Variants in PTPRN2 observed in about 807,000 individuals in gnomAD.
PTPRN2 encodes receptor-type tyrosine-protein phosphatase N2.
A neutral mutation model predicts 118.8 loss-of-function variants in PTPRN2; 74 were observed. The ratio of observed to expected loss-of-function variants is 0.62; its 90% CI spans 0.52 to 0.76. The LOEUF is 0.76. Among genes scored for constraint, PTPRN2 ranks in the 30% least tolerant of loss-of-function variants. The pLI is 0.00. For missense variants in PTPRN2, 1,481 were observed against 1,394.4 expected (o/e 1.06, Z -0.99); for synonymous variants, 641 against 608.0 (o/e 1.05, Z -0.80).
chr7:157,735,971 AGGCTTCAAAGAAGGGTCAGAGAC>A, intron 12 of PTPRN2, among the ~76,000 whole-genome samples: 1 of 152,242 alleles, frequency 6.6e-6, no homozygotes, highest in East Asian at 1.9e-4. Context: ...CGTGACAGAC[AGGCTTCAAAGAAGGGTCAGAGAC>A]GGCCGGTGGG....
intron 11 of PTPRN2, among the ~76,000 whole-genome samples, chr7:157,942,765 G>A (rs567206364): frequency 5.9e-5 from 9 of 152,286 alleles, no homozygotes; most frequent in African/African-American, 2.2e-4. Flanking sequence ...AGGAGGGCTT[G>A]GTTATCAGTC....
intron 1 of PTPRN2, among the ~76,000 whole-genome samples, chr7:158,538,246 C>A (rs1285997594): frequency 2.0e-5 from 3 of 152,252 alleles, no homozygotes; most frequent in Non-Finnish European, 2.9e-5. Context: ...TAGCCCACAG[C>A]CAGGTCTGTG....
At chr7:157,680,583 C>T (rs910387609) in intron 13 of PTPRN2, among the ~76,000 whole-genome samples, 2 of 152,370 alleles carry the variant, frequency 1.3e-5, no homozygotes, top group Middle Eastern at 3.4e-3. Context: ...ATCCTCACTA[C>T]TGCGTCCTGC....
chr7:158,151,921 C>T (rs1463780791), intron 6 of PTPRN2, among the ~76,000 whole-genome samples: 5 of 152,226 alleles, frequency 3.3e-5, no homozygotes, highest in African/African-American at 9.6e-5. Context: ...CGCCTGTAAT[C>T]CCAGCACTTT....
At chr7:158,288,854 A>T (rs1799930222) in intron 3 of PTPRN2, among the ~76,000 whole-genome samples, 2 of 152,196 alleles carry the variant, frequency 1.3e-5, no homozygotes, top group South Asian at 4.1e-4. Flanking sequence ...TTCTTGTAGG[A>T]CAGCTCTGGT....
At chr7:158,170,705 G>T (rs899511962) in intron 5 of PTPRN2, among the ~76,000 whole-genome samples, 3 of 152,162 alleles carry the variant, frequency 2.0e-5, no homozygotes, top group Admixed American at 6.5e-5. Context: ...GAGGGCCTGA[G>T]AGTTGGGAAC....
intron 1 of PTPRN2, among the ~76,000 whole-genome samples, chr7:158,564,397 A>G (rs771446167): frequency 9.5e-4 from 145 of 152,354 alleles, no homozygotes; most frequent in Admixed American, 1.8e-3. Context: ...CAGCCAATCG[A>G]CCTGTGAGCA....
intron 11 of PTPRN2, among the ~76,000 whole-genome samples, chr7:158,058,451 G>A (rs1810002023): frequency 9.2e-6 from 1 of 108,214 alleles, no homozygotes; most frequent in African/African-American, 4.4e-5. Flanking sequence ...CATCACTGCA[G>A]CCACACTCCA....
chr7:158,190,290 C>T (rs1362457290), intron 5 of PTPRN2, among the ~76,000 whole-genome samples: 1 of 152,190 alleles, frequency 6.6e-6, no homozygotes, highest in Non-Finnish European at 1.5e-5. Flanking sequence ...GACAGAGCTG[C>T]ATGAAATCCA....
chr7:158,218,496 G>C (rs1180450949), intron 3 of PTPRN2, among the ~76,000 whole-genome samples: 1 of 152,098 alleles, frequency 6.6e-6, no homozygotes, highest in East Asian at 1.9e-4. Context: ...CAAATACGTA[G>C]CTCACTTGCA....
At chr7:158,377,409 C>G (rs955369463) in intron 2 of PTPRN2, among the ~76,000 whole-genome samples, 7 of 152,156 alleles carry the variant, frequency 4.6e-5, no homozygotes, top group Non-Finnish European at 7.3e-5. Context: ...CGGTCTTCAC[C>G]AAAGAAGAGC....
At chr7:158,142,303 G>A (rs113525269) in intron 6 of PTPRN2, among the ~76,000 whole-genome samples, 157 of 152,316 alleles carry the variant, frequency 1.0e-3, no homozygotes, top group Non-Finnish European at 1.8e-3. Context: ...GCCCCGGAGC[G>A]GCTGGAACTA....
Position 157,787,007 on chromosome 7 carries a change from G to A in PTPRN2, c.1789-104070C>T, listed in dbSNP as rs1804081167. ...CACTGAGCCTGGGACAGCTTGAGGG[G>A]CAGGAGGCGGACACAGGTGCGGCGG... On this transcript the variant is annotated intron_variant, in intron 12 of 22. Transcript: ENST00000389418. This position sits in a 1 kb window ranked among gnomAD's most constrained non-coding sequence, Gnocchi z 5.3. Among the ~76,000 whole-genome samples the A allele has an allele frequency of 6.6e-6, 1 of 152,050 alleles. No homozygotes were observed. The highest frequency in any genetic ancestry group is 2.4e-5 in the African/African-American group (1 of 41,432).
At chr7:158,211,091 T>C (rs1319107154) in intron 3 of PTPRN2, among the ~76,000 whole-genome samples, 3 of 152,134 alleles carry the variant, frequency 2.0e-5, no homozygotes, top group African/African-American at 7.2e-5. Flanking sequence ...GTCTCTTCTA[T>C]AAATGGTGCT....
intron 12 of PTPRN2, among the ~76,000 whole-genome samples, chr7:157,833,528 T>A (rs968528506): frequency 6.6e-6 from 1 of 150,722 alleles, no homozygotes; most frequent in Non-Finnish European, 1.5e-5. Flanking sequence ...CCATCCTGTA[T>A]GACGGTGAAT....
rs1259897576 is a variant in PTPRN2 at position 157,918,841 on chromosome 7, C to T, written c.1724-20104G>A. Among the ~76,000 whole-genome samples, 5 of 152,326 alleles carry T rather than the reference C, an allele frequency of 3.3e-5. No homozygotes were observed. The East Asian group carries it at 9.7e-4, about 29-fold the overall frequency. ...AGTACAAAGAGATGCCACTCGCAGC[C>T]TGAGGGACGGAAGGGCCTGACGGCG... is the stretch of plus-strand genomic sequence containing the variant. On this transcript the variant is annotated intron_variant, in intron 11 of 22. Transcript: ENST00000389418.
chr7:158,140,428 C>G (rs1008861740), intron 6 of PTPRN2, among the ~76,000 whole-genome samples: 1 of 152,218 alleles, frequency 6.6e-6, no homozygotes, highest in Non-Finnish European at 1.5e-5. Flanking sequence ...AGCCTGACTC[C>G]TCATAGTTCC....
At chr7:158,055,716 G>A (rs748653167) in intron 11 of PTPRN2, among the ~76,000 whole-genome samples, 8 of 152,196 alleles carry the variant, frequency 5.3e-5, no homozygotes, top group Admixed American at 2.0e-4. Flanking sequence ...CAGTGGACAC[G>A]TAACCCATGT....
At chr7:158,307,746 G>T (rs1326598694) in intron 3 of PTPRN2, among the ~76,000 whole-genome samples, 2 of 152,188 alleles carry the variant, frequency 1.3e-5, no homozygotes, top group Non-Finnish European at 2.9e-5. Flanking sequence ...CAAAACTCAT[G>T]TTGAAGTTTA....
Sources: gnomAD v4.1 joint callset for allele counts (sites outside exome capture counted in the v4.1 genomes callset) on GRCh38, gnomAD v4.1.1 for gene constraint, Gnocchi (gnomAD v3.1) non-coding constraint, MANE v1.5 for transcripts, NCBI Gene and HGNC (gene_info 2026-07-23, HGNC 2026-07-21) for gene names.